ZNRF1: variants seen among roughly 807,000 people sequenced by gnomAD.
ZNRF1 encodes E3 ubiquitin-protein ligase ZNRF1.
ZNRF1 carries 3 observed loss-of-function variants against 18.4 expected under a neutral mutation model. The observed-to-expected ratio is 0.16, with a 90% CI of 0.07 to 0.42. The LOEUF (loss-of-function observed/expected upper bound fraction) is 0.42. Among genes scored for constraint, ZNRF1 ranks in the 10% least tolerant of loss-of-function variants. The pLI is 0.99. For missense variants in ZNRF1, 310 were observed against 329.8 expected, an observed-to-expected ratio of 0.94 and a Z score of 0.47; for synonymous variants, 157 against 144.2, an observed-to-expected ratio of 1.09 and a Z score of -0.64.
rs116821171 is a variant in ZNRF1, at chr16:75,072,971, A to G, written c.425-20601A>G. On this transcript the variant is annotated intron_variant, in intron 1 of 4. Coordinates refer to ENST00000335325, the MANE Select transcript of ZNRF1 (RefSeq NM_032268.5). ...GTTCATCACACTCAACCGGTTATCT[A>G]GTTAGTGAAAGAAAGCATTTAAAAA... 3.0e-3 allele frequency among the ~76,000 whole-genome samples: 464 copies of G among 152,296 alleles called. 2 individuals carry two copies. Among genetic ancestry groups the G allele is most frequent in the African/African-American group, 0.011 (462 of 41,558 alleles).
At chr16:75,073,269 AT>A (rs2035896356) in intron 1 of ZNRF1, among the ~76,000 whole-genome samples, 1 of 151,430 alleles carries the variant, frequency 6.6e-6, no homozygotes, top group South Asian at 2.1e-4. Flanking sequence ...TTTTTTCACA[AT>A]TGTTGATTGC....
At position 75,067,871 on chromosome 16, in the gene ZNRF1, A is replaced by G. The variant is rs1207551335; in HGVS notation, c.425-25701A>G. ...CAAAATTAATACGTCTCTTATCTAC[A>G]AATCTGAAATCCAGAACACTCTGAA... On this transcript the variant is annotated intron_variant, in intron 1 of 4. Transcript: ENST00000335325. Among the ~76,000 whole-genome samples, 4 of 152,198 alleles carry G rather than the reference A, an allele frequency of 2.6e-5. No individual in the cohort carries two copies. In the East Asian group the frequency reaches 7.7e-4, roughly 29 times the overall value.
At chr16:75,007,377 A>C (rs1423617768) in intron 1 of ZNRF1, among the ~76,000 whole-genome samples, 1 of 152,200 alleles carries the variant, frequency 6.6e-6, no homozygotes, top group Non-Finnish European at 1.5e-5. Flanking sequence ...CTAAAGCAGC[A>C]GCTGAAATAG....
At chr16:75,053,808 G>C (rs886739168) in intron 1 of ZNRF1, among the ~76,000 whole-genome samples, 3 of 152,118 alleles carry the variant, frequency 2.0e-5, no homozygotes, top group African/African-American at 7.2e-5. Context: ...TCACATTTTG[G>C]AGAAAGTCTA....
At chr16:75,035,300 C>T (rs1250635548) in intron 1 of ZNRF1, among the ~76,000 whole-genome samples, 4 of 152,186 alleles carry the variant, frequency 2.6e-5, no homozygotes. Context: ...TCCCAAAGTA[C>T]TAGAATTACA....
intron 2 of ZNRF1, 175 bp from the exon 3 acceptor site, chr16:75,104,609 T>TCTCCA: frequency 1.9e-6 from 1 of 537,130 alleles, no homozygotes; most frequent in Non-Finnish European, 3.3e-6. Context: ...CCACGCATTA[T>TCTCCA]CTCCACGGTG....
At chr16:75,102,360 G>A (rs1597911636) in intron 2 of ZNRF1, among the ~76,000 whole-genome samples, 2 of 152,198 alleles carry the variant, frequency 1.3e-5, no homozygotes, top group South Asian at 4.1e-4. Flanking sequence ...CGCAAAATGA[G>A]AATAACACTG....
chr16:75,081,755 C>A (rs2036014829), intron 1 of ZNRF1, among the ~76,000 whole-genome samples: 1 of 152,188 alleles, frequency 6.6e-6, no homozygotes, highest in South Asian at 2.1e-4. Context: ...TGTAGGTAAT[C>A]CCTAGTGTCT....
intron 1 of ZNRF1, among the ~76,000 whole-genome samples, chr16:75,089,820 G>C (rs763568006): frequency 1.3e-5 from 2 of 152,034 alleles, no homozygotes; most frequent in Non-Finnish European, 2.9e-5. Flanking sequence ...CTACTTCCTA[G>C]TACCTTAGCT....
intron 2 of ZNRF1, among the ~76,000 whole-genome samples, chr16:75,096,443 A>G (rs371673692): frequency 1.2e-4 from 18 of 152,280 alleles, no homozygotes; most frequent in South Asian, 4.1e-4. Context: ...AGGAGCTCCA[A>G]TGTATTCCCC....
At chr16:75,050,884 A>AC (rs2035589235) in intron 1 of ZNRF1, among the ~76,000 whole-genome samples, 5 of 101,820 alleles carry the variant, frequency 4.9e-5, no homozygotes, top group Middle Eastern at 4.0e-3. Flanking sequence ...AAAAAAAAAA[A>AC]AAAACAAAAA....
intron 1 of ZNRF1, among the ~76,000 whole-genome samples, chr16:75,091,004 G>A (rs1385800048): frequency 6.6e-6 from 1 of 152,084 alleles, no homozygotes; most frequent in African/African-American, 2.4e-5. Flanking sequence ...CCCCACCTTG[G>A]CCTCCTAAAG....
intron 1 of ZNRF1, among the ~76,000 whole-genome samples, chr16:75,026,941 A>C (rs932470429): frequency 6.6e-6 from 1 of 151,836 alleles, no homozygotes; most frequent in Non-Finnish European, 1.5e-5. Flanking sequence ...TATCACTAAT[A>C]ACAGACATTT....
chr16:75,064,691 T>C (rs930757748), intron 1 of ZNRF1, among the ~76,000 whole-genome samples: 1 of 152,212 alleles, frequency 6.6e-6, no homozygotes, highest in Non-Finnish European at 1.5e-5. Flanking sequence ...TGTGGTTTTT[T>C]CTTCCTCCTA....
At chr16:75,008,713 T>C (rs1231095235) in intron 1 of ZNRF1, among the ~76,000 whole-genome samples, 1 of 152,350 alleles carries the variant, frequency 6.6e-6, no homozygotes. Flanking sequence ...AATTAACTTA[T>C]TCTTTCCAAG....
At chr16:75,097,738 G>C (rs140652796) in intron 2 of ZNRF1, among the ~76,000 whole-genome samples, 76 of 152,290 alleles carry the variant, frequency 5.0e-4, no homozygotes, top group African/African-American at 1.3e-3. Context: ...GATCACTTGA[G>C]CCCAGGAGAT....
intron 1 of ZNRF1, among the ~76,000 whole-genome samples, chr16:75,023,623 G>A (rs946155892): frequency 2.0e-5 from 3 of 151,962 alleles, no homozygotes; most frequent in Non-Finnish European, 4.4e-5. Flanking sequence ...GGTGGAGGTT[G>A]CAGTGACCTG....
chr16:75,008,485 C>T (rs2036980228), intron 1 of ZNRF1, among the ~76,000 whole-genome samples: 1 of 152,168 alleles, frequency 6.6e-6, no homozygotes, highest in African/African-American at 2.4e-5. Flanking sequence ...CATCTTCAGC[C>T]AGGCAGCTAG....
chr16:75,094,577 C>T (rs1195404267), intron 2 of ZNRF1, among the ~76,000 whole-genome samples: 1 of 152,146 alleles, frequency 6.6e-6, no homozygotes, highest in African/African-American at 2.4e-5. Flanking sequence ...ATAGGATTGT[C>T]AGAACTGGGT....
Sources: allele counts gnomAD v4.1 joint callset (sites outside exome capture counted in the v4.1 genomes callset), GRCh38; gene constraint gnomAD v4.1.1; transcripts MANE v1.5; gene names NCBI Gene and HGNC (gene_info 2026-07-23, HGNC 2026-07-21).